The following NLRP2 variants were observed in gnomAD, a reference collection of about 807,000 sequenced individuals.
NLRP2 encodes NLR family pyrin domain containing 2.
In NLRP2, 107 loss-of-function variants were observed where a neutral mutation model predicts 97.2. The ratio of observed to expected loss-of-function variants is 1.10; its 90% CI spans 0.94 to 1.29. The LOEUF is 1.29. NLRP2 is among the 50% of genes most tolerant of loss of function. The pLI, the probability that NLRP2 is intolerant of heterozygous loss-of-function variation, is 0.00. For synonymous variants in NLRP2, 663 were observed against 551.5 expected (o/e 1.20, Z -2.83); for missense variants, 1,495 against 1,330.3 (o/e 1.12, Z -1.93).
intron 8 of NLRP2, chr19:54,986,538 T>C: frequency 3.6e-6 from 2 of 561,806 alleles, no homozygotes; most frequent in African/African-American, 1.9e-5. Context: ...CCAAAGAAAC[T>C]CCCAGAATCT....
intron 4 of NLRP2, among the ~76,000 whole-genome samples, chr19:54,978,338 G>C (rs2071377450): frequency 6.6e-6 from 1 of 151,524 alleles, no homozygotes; most frequent in Non-Finnish European, 1.5e-5. Context: ...AGATTCAAGT[G>C]ATTGTCCTGT....
At chr19:54,981,585 G>C in intron 4 of NLRP2, 32 bp from the exon 5 acceptor site, 1 of 1,124,504 alleles carries the variant, frequency 8.9e-7, no homozygotes, top group Non-Finnish European at 1.2e-6. Context: ...ACCTGATTTT[G>C]TGTCAATCTC....
chr19:54,996,721 G>A (rs886311939), intron 11 of NLRP2, among the ~76,000 whole-genome samples: 1 of 150,128 alleles, frequency 6.7e-6, no homozygotes, highest in Non-Finnish European at 1.5e-5. Context: ...TGTATCTTCA[G>A]GGCCTCTGCA....
chr19:54,996,066 AG>A (rs2072805012), intron 11 of NLRP2, among the ~76,000 whole-genome samples: 5 of 124,186 alleles, frequency 4.0e-5, no homozygotes, highest in Admixed American at 2.9e-4. Context: ...AAAAAAACAA[AG>A]GCGCCTTTTT....
At chr19:55,000,591 TTAAAA>T (rs2073131951) in intron 12 of NLRP2, among the ~76,000 whole-genome samples, 164 bp from the exon 13 acceptor site, 1 of 143,376 alleles carries the variant, frequency 7.0e-6, no homozygotes. Context: ...AGACTGTCTT[TTAAAA>T]AAAAAAAAAA....
intron 10 of NLRP2, chr19:54,993,094 C>T (rs2072593304): frequency 6.6e-6 from 1 of 151,564 alleles, no homozygotes; most frequent in African/African-American, 2.4e-5. Context: ...GTGTCGGAGC[C>T]TGTAATCCCA....
chr19:54,986,046 G>GA (rs1475360483), intron 7 of NLRP2, 105 bp from the exon 8 acceptor site: 3 of 810,464 alleles, frequency 3.7e-6, no homozygotes, highest in Non-Finnish European at 6.2e-6. Flanking sequence ...TTTAAACATG[G>GA]AAAAAATAGT....
intron 3 of NLRP2, among the ~76,000 whole-genome samples, chr19:54,975,119 T>TTTTTTTTTTTG (rs2071130260): frequency 4.2e-5 from 1 of 23,596 alleles, no homozygotes; most frequent in Admixed American, 5.0e-4. Context: ...TTTTTTTTTT[T>TTTTTTTTTTTG]TTTTTTTTTT....
intron 3 of NLRP2, among the ~76,000 whole-genome samples, chr19:54,975,069 G>GGGATTAT (rs1228410575): frequency 4.8e-5 from 7 of 145,202 alleles, no homozygotes; most frequent in African/African-American, 1.8e-4. Flanking sequence ...CCAAAATGCT[G>GGGATTAT]GGATTATGGG....
intron 8 of NLRP2, among the ~76,000 whole-genome samples, chr19:54,988,188 C>A (rs983115210): frequency 1.3e-5 from 2 of 152,168 alleles, no homozygotes; most frequent in African/African-American, 4.8e-5. Flanking sequence ...ATAGTGGCTG[C>A]TATCATTACT....
chr19:54,991,392 A>C (rs1429205973), intron 10 of NLRP2: 4 of 152,272 alleles, frequency 2.6e-5, no homozygotes, highest in Non-Finnish European at 4.4e-5. Flanking sequence ...CTCTCTACTA[A>C]AAATACAAAA....
intron 8 of NLRP2, 124 bp from the exon 9 acceptor site, chr19:54,989,897 AG>A: frequency 1.0e-6 from 1 of 960,416 alleles, no homozygotes. Context: ...AGGCTGAGGC[AG>A]GAGAATCACT....
chr19:54,974,237 C>T (rs1316724063), intron 2 of NLRP2: 16 of 582,584 alleles, frequency 2.7e-5, no homozygotes, highest in Middle Eastern at 9.5e-4. Context: ...GCCTATAGTC[C>T]CAGCTACTCA....
At position 54,983,624 on chromosome 19, in the gene NLRP2, C is replaced by A; in HGVS notation, c.1926C>A (p.Phe642Leu). The A allele has an allele frequency of 6.2e-7, 1 of 1,614,186 alleles. No individual in the cohort carries two copies. The highest frequency in any genetic ancestry group is 8.5e-7 in the Non-Finnish European group (1 of 1,180,032). The change falls in exon 6 of 13, where the codon TTC becomes TTA. Residue 642 changes from phenylalanine to leucine, a missense_variant. Coordinates refer to ENST00000448584, the MANE Select transcript of NLRP2 (RefSeq NM_017852.5). ...CAGTAGACGTTGTGCCATCTTCATT[C>A]TGCGTCAAGCACTGTCGAAACCTGC... ...LNAVDVVPSS[F>L]CVKHCRNLQK...
At chr19:54,995,954 C>T (rs1051016966) in intron 11 of NLRP2, among the ~76,000 whole-genome samples, 10 of 146,118 alleles carry the variant, frequency 6.8e-5, no homozygotes, top group African/African-American at 2.2e-4. Context: ...GTGGGAGGAT[C>T]ACTTGAGCCT....
chr19:54,986,798 T>G (rs897286538), intron 8 of NLRP2, among the ~76,000 whole-genome samples: 3 of 151,004 alleles, frequency 2.0e-5, no homozygotes, highest in African/African-American at 7.3e-5. Flanking sequence ...CCTGCCCTCC[T>G]CAGGCTCCCA....
chr19:55,000,331 C>T (rs1254422035), intron 12 of NLRP2, among the ~76,000 whole-genome samples: 4 of 115,200 alleles, frequency 3.5e-5, no homozygotes, highest in Non-Finnish European at 4.9e-5. Context: ...GGCTGGAGTA[C>T]AGTGGCACGA....
chr19:54,966,410 G>C lies in NLRP2; in HGVS notation c.-75G>C, dbSNP rs571483970. 1 of 152,222 alleles carries C rather than the reference G, an allele frequency of 6.6e-6. No individual in the cohort carries two copies. The highest frequency in any genetic ancestry group is 1.9e-4 in the East Asian group (1 of 5,164). The allele number at this position is 152,222 out of a possible 1,614,324, so 9.4% of individuals were successfully genotyped here. ...TGCGGCCGAGAGAGAAGCCTTATTA[G>C]AGCTTTCTCAACCTGCAGCCCTCAT... On this transcript the variant is annotated 5_prime_UTR_variant, in exon 1 of 13. Transcript: ENST00000448584.
Position 54,970,039 on chromosome 19 carries a change from C to T in NLRP2, c.24C>T (p.Gly8=), listed in dbSNP as rs1192481196. The T allele has an allele frequency of 6.2e-7, 1 of 1,613,794 alleles. No homozygotes were observed. The highest frequency in any genetic ancestry group is 2.2e-5 in the East Asian group (1 of 44,876). The change falls in exon 2 of 13, where the codon GGC becomes GGT. Residue 8 remains glycine (G), a synonymous_variant. Coordinates refer to ENST00000448584, the MANE Select transcript of NLRP2 (RefSeq NM_017852.5). ...AGATGGTGTCTTCGGCGCAGATGGGCTTCAACCTGCAGGCTCTCCTGGAGC... is the reference window on the plus strand; with the variant it reads ...AGATGGTGTCTTCGGCGCAGATGGGTTTCAACCTGCAGGCTCTCCTGGAGC... MVSSAQM[G]FNLQALLEQL...
Sources: gnomAD v4.1 joint callset for allele counts (sites outside exome capture counted in the v4.1 genomes callset) on GRCh38, gnomAD v4.1.1 for gene constraint, MANE v1.5 for transcripts, NCBI Gene and HGNC (gene_info 2026-07-23, HGNC 2026-07-21) for gene names.